DOCK11: variants seen among roughly 807,000 people sequenced by gnomAD.
DOCK11 encodes the protein dedicator of cytokinesis 11.
DOCK11 carries 70 observed loss-of-function variants against 169.1 expected under a neutral mutation model. That is an observed-to-expected ratio of 0.41 (90% CI 0.34 to 0.51). The LOEUF (loss-of-function observed/expected upper bound fraction) is 0.51. Among genes scored for constraint, DOCK11 ranks in the 20% least tolerant of loss-of-function variants. The pLI, the probability that DOCK11 is intolerant of heterozygous loss-of-function variation, is 0.10. For synonymous variants in DOCK11, 529 were observed against 541.3 expected, an observed-to-expected ratio of 0.98 and a Z score of 0.32; for missense variants, 1,166 against 1,538.8, an observed-to-expected ratio of 0.76 and a Z score of 4.05.
chrX:118,551,505 C>G (rs1006548706), intron 6 of DOCK11, among the ~76,000 whole-genome samples: 1 of 111,510 alleles, frequency 9.0e-6, no homozygotes, highest in Non-Finnish European at 1.9e-5. Flanking sequence ...TCGAAACTAG[C>G]CTGGGCAACA....
chrX:118,546,819 A>G (rs1165203109), intron 6 of DOCK11, among the ~76,000 whole-genome samples: 1 of 110,620 alleles, frequency 9.0e-6, no homozygotes, highest in Non-Finnish European at 1.9e-5. Flanking sequence ...ATGAAACCCC[A>G]TCTCTACAAA....
intron 1 of DOCK11, 144 bp from the exon 2 acceptor site, chrX:118,542,581 T>C (rs774902664): frequency 4.8e-5 from 23 of 483,473 alleles, no homozygotes; most frequent in African/African-American, 3.1e-4. Context: ...ATGAAGACTA[T>C]TTCTCTTGTG....
rs1336275508 is a variant in DOCK11 at position 118,646,262 on chromosome X, G to T, written c.4398+2668G>T. 3.6e-5 allele frequency among the ~76,000 whole-genome samples: 4 copies of T among 110,849 alleles called. No homozygotes were observed. The East Asian group carries it at 1.1e-3, about 31-fold the overall frequency. On this transcript the variant is annotated intron_variant, in intron 40 of 52. Transcript: ENST00000276202. ...ATTTTTGGAGCATAGTGAACTAGCG[G>T]GAGCATCAACATACAAGTGGTAGTT...
intron 45 of DOCK11, 27 bp downstream of exon 45, chrX:118,662,819 A>G (rs761205737): frequency 2.3e-6 from 2 of 883,125 alleles, no homozygotes; most frequent in African/African-American, 4.0e-5. Flanking sequence ...CTGCATTGCC[A>G]GTTATATAAA....
intron 4 of DOCK11, among the ~76,000 whole-genome samples, chrX:118,543,976 C>A (rs1001912242): frequency 1.8e-5 from 2 of 112,054 alleles, no homozygotes; most frequent in Non-Finnish European, 3.8e-5. Context: ...ACTTGTGAAA[C>A]CTTTCAGTTA....
chrX:118,646,391 G>A (rs1180828481), intron 40 of DOCK11, among the ~76,000 whole-genome samples: 2 of 111,146 alleles, frequency 1.8e-5, no homozygotes, highest in Non-Finnish European at 3.8e-5. Context: ...GAGAAACAAC[G>A]TAGAAGGGAG....
intron 1 of DOCK11, among the ~76,000 whole-genome samples, chrX:118,496,631 C>T (rs2057539988): frequency 8.9e-6 from 1 of 112,069 alleles, no homozygotes; most frequent in Non-Finnish European, 1.9e-5. Flanking sequence ...AGAGCGACTT[C>T]CTCCTGCAAC....
At chrX:118,660,553 C>T (rs756918674) in intron 44 of DOCK11, among the ~76,000 whole-genome samples, 1 of 108,832 alleles carries the variant, frequency 9.2e-6, no homozygotes, top group Non-Finnish European at 1.9e-5. Context: ...CAAGCTCCAC[C>T]TCCCGGGTTC....
chrX:118,549,632 C>T (rs2012422650), intron 6 of DOCK11, among the ~76,000 whole-genome samples: 1 of 111,610 alleles, frequency 9.0e-6, no homozygotes, highest in East Asian at 2.8e-4. Flanking sequence ...CGGCTCACTG[C>T]AGTCTCAAAC....
intron 12 of DOCK11, among the ~76,000 whole-genome samples, chrX:118,575,805 G>A (rs190977219): frequency 2.7e-5 from 3 of 112,465 alleles, no homozygotes; most frequent in Admixed American, 9.4e-5. Flanking sequence ...GTCATTTTAA[G>A]CCAATGTGTA....
At chrX:118,563,035 A>G (rs1292448830) in intron 7 of DOCK11, among the ~76,000 whole-genome samples, 4 of 112,237 alleles carry the variant, frequency 3.6e-5, no homozygotes, top group Non-Finnish European at 7.5e-5. Context: ...CTGAGGGGAC[A>G]CAGACAGAAA....
chrX:118,551,847 C>T (rs1439271381), intron 6 of DOCK11, among the ~76,000 whole-genome samples: 1 of 111,049 alleles, frequency 9.0e-6, no homozygotes, highest in Non-Finnish European at 1.9e-5. Context: ...CCAGCCTGAG[C>T]AACATGACGA....
chrX:118,585,010 T>A, intron 15 of DOCK11, 31 bp from the exon 16 acceptor site: 3 of 1,182,117 alleles, frequency 2.5e-6, no homozygotes, highest in Non-Finnish European at 3.4e-6. Flanking sequence ...ATCATAATTT[T>A]AACTCTAAAA....
chrX:118,563,834 T>C (rs2012989748), intron 7 of DOCK11, among the ~76,000 whole-genome samples: 1 of 109,389 alleles, frequency 9.1e-6, no homozygotes, highest in African/African-American at 3.3e-5. Flanking sequence ...CTAGAGTAGC[T>C]GGGATTAGAG....
intron 1 of DOCK11, among the ~76,000 whole-genome samples, chrX:118,520,083 C>T (rs2057713318): frequency 1.8e-5 from 2 of 112,109 alleles, no homozygotes; most frequent in Non-Finnish European, 3.8e-5. Flanking sequence ...ATGACTCATT[C>T]TTTCTTTGTA....
chrX:118,657,879 C>T (rs375290540), intron 44 of DOCK11, among the ~76,000 whole-genome samples: 4 of 109,738 alleles, frequency 3.6e-5, no homozygotes, highest in Admixed American at 9.7e-5. Context: ...GGGTACTGCT[C>T]GGGTGACAGG....
chrX:118,543,527 G>A lies in DOCK11; in HGVS notation c.326G>A (p.Ser109Asn), dbSNP rs1490092573. The A allele has an allele frequency of 8.3e-7, 1 of 1,202,857 alleles. No individual in the cohort carries two copies. Among genetic ancestry groups the A allele is most frequent in the East Asian group, 3.0e-5 (1 of 33,761 alleles). Residue 109 changes from serine to asparagine, a missense_variant, in exon 4 of 53, where the codon AGC becomes AAC. Coordinates refer to ENST00000276202, the MANE Select transcript of DOCK11 (RefSeq NM_144658.4). Reference protein sequence around the residue: ...LFVKECIKTYSTDWHVVNYKY... With the variant: ...LFVKECIKTYNTDWHVVNYKY... ...TTCTTTCAGTGTATTAAAACCTATAGCACAGATTGGCACGTGGTAAACTAC... is the reference window on the plus strand; with the variant it reads ...TTCTTTCAGTGTATTAAAACCTATAACACAGATTGGCACGTGGTAAACTAC...
chrX:118,545,194 C>T (rs1490961927), intron 4 of DOCK11, 129 bp from the exon 5 acceptor site: 103 of 407,868 alleles, frequency 2.5e-4, no homozygotes, highest in Middle Eastern at 5.0e-4. Flanking sequence ...GGCATTTTCT[C>T]GTTTGTGAAA....
chrX:118,590,125 A>G, intron 18 of DOCK11, 85 bp from the exon 19 acceptor site: 2 of 850,604 alleles, frequency 2.4e-6, no homozygotes, highest in Non-Finnish European at 3.4e-6. Context: ...CTATAGTCAC[A>G]GATGCCTCTA....
Sources: gnomAD v4.1 joint callset for allele counts (sites outside exome capture counted in the v4.1 genomes callset) on GRCh38, gnomAD v4.1.1 for gene constraint, MANE v1.5 for transcripts, NCBI Gene and HGNC (gene_info 2026-07-23, HGNC 2026-07-21) for gene names.